Variants in TBK1 observed in about 807,000 individuals in gnomAD.
TBK1 encodes serine/threonine-protein kinase TBK1.
A neutral mutation model predicts 99.9 loss-of-function variants in TBK1; 37 were observed. The ratio of observed to expected loss-of-function variants is 0.37; its 90% CI spans 0.28 to 0.49. The LOEUF (loss-of-function observed/expected upper bound fraction) is 0.49. Among genes scored for constraint, TBK1 ranks in the 20% least tolerant of loss-of-function variants. TBK1 has a pLI of 0.98. For missense variants in TBK1, 644 were observed against 872.5 expected (o/e 0.74, Z 3.30); for synonymous variants, 258 against 279.8 (o/e 0.92, Z 0.78).
chr12:64,464,024 C>T (rs1210429617), intron 3 of TBK1, among the ~76,000 whole-genome samples: 1 of 152,008 alleles, frequency 6.6e-6, no homozygotes, highest in Non-Finnish European at 1.5e-5. Context: ...CCACCACACT[C>T]AGCTAATTTT....
chr12:64,497,133 GCATAT>G, intron 17 of TBK1, 25 bp from the exon 18 acceptor site: 2 of 1,580,090 alleles, frequency 1.3e-6, no homozygotes, highest in Admixed American at 3.5e-5. Flanking sequence ...TCACTAGACT[GCATAT>G]CAATTGATTC....
At chr12:64,493,528 G>A (rs533263198) in intron 13 of TBK1, among the ~76,000 whole-genome samples, 182 of 152,216 alleles carry the variant, frequency 1.2e-3, no homozygotes, top group Non-Finnish European at 2.2e-3. Context: ...TGGGGAGGCT[G>A]AGGCAAGAGA....
intron 6 of TBK1, among the ~76,000 whole-genome samples, chr12:64,476,578 C>A (rs1245482070): frequency 6.6e-6 from 1 of 152,132 alleles, no homozygotes. Flanking sequence ...AGTCCTTTGT[C>A]AAATGCATAG....
At position 64,479,137 on chromosome 12, in the gene TBK1, T is replaced by C. The variant is rs574339252; in HGVS notation, c.702-875T>C. 1.8e-4 allele frequency among the ~76,000 whole-genome samples: 28 copies of C among 152,356 alleles called. 1 individual carries two copies. Among genetic ancestry groups the C allele is most frequent in the South Asian group, 4.1e-4 (2 of 4,830 alleles). On this transcript the variant is annotated intron_variant, in intron 6 of 20. Transcript: ENST00000331710. ...TGAAAGATATATTCATCCAACATTA[T>C]AGTAGTGCTGATTCCTCAGCATCTC...
At chr12:64,454,102 T>C (rs1389823270) in intron 1 of TBK1, among the ~76,000 whole-genome samples, 1 of 152,098 alleles carries the variant, frequency 6.6e-6, no homozygotes, top group East Asian at 1.9e-4. Context: ...ATATTTGTTA[T>C]ATTTTACATT....
In TBK1 at chr12:64,452,187, G is replaced by A. The variant is rs2040433282; in HGVS notation, c.-32G>A. On this transcript the variant is annotated splice_region_variant and 5_prime_UTR_variant, in exon 1 of 21. Transcript: ENST00000331710. ...CGGTGGCGCGGCGGAGACCCGGCTG[G>A]GTAAGTGAGACGGCCGCGGGCTGAG... 6.6e-6 allele frequency: 1 copy of A among 152,520 alleles called. No individual in the cohort carries two copies. The highest frequency in any genetic ancestry group is 1.5e-5 in the Non-Finnish European group (1 of 68,368). The allele number at this position is 152,520 out of a possible 1,614,324, so 9.4% of individuals were successfully genotyped here.
At chr12:64,486,234 C>G (rs576710353) in intron 11 of TBK1, among the ~76,000 whole-genome samples, 5 of 152,276 alleles carry the variant, frequency 3.3e-5, no homozygotes, top group East Asian at 1.9e-4. Context: ...TTAAAACTTA[C>G]ACCACGCTAT....
At chr12:64,493,147 G>A (rs1011726794) in intron 13 of TBK1, among the ~76,000 whole-genome samples, 5 of 152,022 alleles carry the variant, frequency 3.3e-5, no homozygotes, top group Non-Finnish European at 5.9e-5. Context: ...GCCCACGTCG[G>A]CCTCCCAAAG....
intron 6 of TBK1, among the ~76,000 whole-genome samples, chr12:64,479,052 C>G (rs548132627): frequency 6.6e-6 from 1 of 152,180 alleles, no homozygotes; most frequent in South Asian, 2.1e-4. Flanking sequence ...AACATTGATG[C>G]TAAAGAATGT....
At chr12:64,466,343 C>T (rs2040603990) in intron 4 of TBK1, among the ~76,000 whole-genome samples, 1 of 151,952 alleles carries the variant, frequency 6.6e-6, no homozygotes, top group Non-Finnish European at 1.5e-5. Context: ...ACAACTTTGC[C>T]CTTAAGAAAA....
Position 64,453,608 on chromosome 12 carries a change from T to A in TBK1, c.-32+1421T>A, listed in dbSNP as rs1247684518. On this transcript the variant is annotated intron_variant, in intron 1 of 20. Coordinates refer to ENST00000331710, the MANE Select transcript of TBK1 (RefSeq NM_013254.4). ...CATTCTGCATTTTCCTAACCCAGCT[T>A]GGGGATATTGGTGGTCATTAATTCA... is the stretch of plus-strand genomic sequence containing the variant. Among the ~76,000 whole-genome samples the A allele has an allele frequency of 2.0e-5, 3 of 152,286 alleles. No individual in the cohort carries two copies. In the East Asian group the frequency reaches 5.8e-4, roughly 29 times the overall value.
At chr12:64,482,048 T>G (rs1353391258) in intron 8 of TBK1, 27 bp downstream of exon 8, 2 of 1,407,452 alleles carry the variant, frequency 1.4e-6, no homozygotes, top group African/African-American at 1.5e-5. Context: ...TCTTCTTGTA[T>G]CAACATGTTC....
Position 64,481,980 on chromosome 12 carries a change from A to G in TBK1, c.951A>G (p.Gln317=), listed in dbSNP as rs1181472026. ...TGGTAATTCATGTTTTTTCGCTACA[A>G]CAAATGACAGCTCATAAGATTTATA... ...HRMVIHVFSL[Q]QMTAHKIYIH... Residue 317 remains glutamine, a synonymous_variant, in exon 8 of 21, where the codon CAA becomes CAG. Transcript: ENST00000331710. The G allele has an allele frequency of 1.2e-6, 2 of 1,604,942 alleles. No homozygotes were observed. The highest frequency in any genetic ancestry group is 1.3e-5 in the African/African-American group (1 of 74,292).
At chr12:64,495,811 C>A (rs911123925) in intron 15 of TBK1, 36 bp downstream of exon 15, 2 of 1,432,026 alleles carry the variant, frequency 1.4e-6, no homozygotes, top group South Asian at 2.6e-5. Flanking sequence ...TTTAATAAAT[C>A]CCTCTTAGTA....
At chr12:64,453,474 T>A (rs2040451094) in intron 1 of TBK1, among the ~76,000 whole-genome samples, 1 of 152,214 alleles carries the variant, frequency 6.6e-6, no homozygotes, top group Admixed American at 6.5e-5. Context: ...CTTATTTTTA[T>A]TGCTTATTTC....
At chr12:64,453,971 GT>G (rs930612506) in intron 1 of TBK1, among the ~76,000 whole-genome samples, 1 of 152,066 alleles carries the variant, frequency 6.6e-6, no homozygotes, top group Admixed American at 6.6e-5. Context: ...TTTCCTTTAT[GT>G]TTGTCAGGTT....
rs1336468178 is a variant in TBK1, at chr12:64,484,601, AATT to A, written c.1189+104_1189+106del. The A allele has an allele frequency of 3.0e-5, 34 of 1,148,096 alleles. 1 individual carries two copies. In the Admixed American group the frequency reaches 9.2e-4, roughly 31 times the overall value. The allele number at this position is 1,148,096 out of a possible 1,614,324, so 71.1% of individuals were successfully genotyped here. A position where few individuals can be genotyped will look rare whatever the true frequency, so the allele number is the denominator to read the frequency against. The stretch of plus-strand genomic sequence containing the variant: ...TGTCTCTACAAAAAAATAAAACAAA[AATT>A]AGTGGGGCATGGTGGCTTGCACCTG... On this transcript the variant is annotated intron_variant, in intron 9 of 20. Transcript: ENST00000331710.
chr12:64,480,543 T>G (rs912947328), intron 7 of TBK1, among the ~76,000 whole-genome samples: 11 of 152,188 alleles, frequency 7.2e-5, no homozygotes, highest in Non-Finnish European at 1.6e-4. Context: ...TTTTAAAAAA[T>G]TCAAATTATT....
At chr12:64,489,729 C>T (rs890212258) in intron 12 of TBK1, among the ~76,000 whole-genome samples, 13 of 150,044 alleles carry the variant, frequency 8.7e-5, no homozygotes, top group South Asian at 2.1e-4. Flanking sequence ...CCACCACGCC[C>T]GGCTTATTTT....
Sources: allele counts gnomAD v4.1 joint callset (sites outside exome capture counted in the v4.1 genomes callset), GRCh38; gene constraint gnomAD v4.1.1; transcripts MANE v1.5; gene names NCBI Gene and HGNC (gene_info 2026-07-23, HGNC 2026-07-21).